SYT9: variants seen among roughly 807,000 people sequenced by gnomAD.
SYT9 encodes the protein synaptotagmin-9.
In SYT9, 22 loss-of-function variants were observed where a neutral mutation model predicts 48.4. That is an observed-to-expected ratio of 0.45 (90% CI 0.32 to 0.65). The LOEUF is 0.65. Ranked by LOEUF, SYT9 falls within the 30% of genes least tolerant of loss-of-function variation. SYT9 has a pLI of 0.03. For synonymous variants in SYT9, 265 were observed against 245.0 expected (o/e 1.08, Z -0.76); for missense variants, 577 against 622.0 (o/e 0.93, Z 0.77).
chr11:7,351,151 A>G (rs1050108084), intron 3 of SYT9, among the ~76,000 whole-genome samples: 2 of 152,230 alleles, frequency 1.3e-5, no homozygotes, highest in African/African-American at 4.8e-5. Flanking sequence ...ATGAAGTGGT[A>G]TATATTGCCT....
At chr11:7,255,647 G>A (rs1333989224) in intron 1 of SYT9, among the ~76,000 whole-genome samples, 2 of 152,128 alleles carry the variant, frequency 1.3e-5, no homozygotes, top group Non-Finnish European at 2.9e-5. Flanking sequence ...GATGTGAAAG[G>A]TGAGAGAAGG....
chr11:7,251,845 C>T (rs376943623), upstream of SYT9: 13 of 212,044 alleles, frequency 6.1e-5, no homozygotes, highest in East Asian at 1.1e-3. Context: ...GCGCGCACTC[C>T]TGACCTGGCC....
intron 3 of SYT9, among the ~76,000 whole-genome samples, chr11:7,372,459 T>G (rs1171226621): frequency 1.3e-5 from 2 of 152,138 alleles, no homozygotes; most frequent in Non-Finnish European, 2.9e-5. Flanking sequence ...ACTACAGTCA[T>G]GCACCACAAT....
intron 3 of SYT9, among the ~76,000 whole-genome samples, chr11:7,391,316 A>T (rs1318250626): frequency 1.3e-5 from 2 of 152,116 alleles, no homozygotes; most frequent in Non-Finnish European, 2.9e-5. Flanking sequence ...CTTTGGGTAT[A>T]TACCCATAAG....
intron 1 of SYT9, among the ~76,000 whole-genome samples, chr11:7,255,074 A>G (rs910520517): frequency 3.3e-5 from 5 of 152,190 alleles, no homozygotes; most frequent in East Asian, 1.9e-4. Context: ...ATCTGTACCA[A>G]CTTGTGGAAA....
At chr11:7,377,848 T>C (rs918894390) in intron 3 of SYT9, among the ~76,000 whole-genome samples, 5 of 152,162 alleles carry the variant, frequency 3.3e-5, no homozygotes, top group Admixed American at 3.3e-4. Flanking sequence ...GACTGCCTGG[T>C]TGGGGCATGG....
intron 3 of SYT9, among the ~76,000 whole-genome samples, chr11:7,336,715 C>A (rs911831000): frequency 6.6e-6 from 1 of 152,054 alleles, no homozygotes; most frequent in African/African-American, 2.4e-5. Flanking sequence ...TGTTTTTGTA[C>A]CAGTATCATG....
At chr11:7,428,783 G>A (rs1464265654) in intron 6 of SYT9, among the ~76,000 whole-genome samples, 3 of 152,174 alleles carry the variant, frequency 2.0e-5, no homozygotes, top group Non-Finnish European at 2.9e-5. Context: ...AGATGAAGTG[G>A]GGAGGTGGGG....
chr11:7,383,861 T>G lies in SYT9; in HGVS notation c.1045-32181T>G, dbSNP rs117859579. Reference sequence around the variant, plus strand: ...ACTATATGTCTAGGCTGCACGAGTTTTTAAATACAAGTGAAGTCATCTTTT... The same window carrying G: ...ACTATATGTCTAGGCTGCACGAGTTGTTAAATACAAGTGAAGTCATCTTTT... On this transcript the variant is annotated intron_variant, in intron 3 of 6. Coordinates refer to ENST00000318881, the MANE Select transcript of SYT9 (RefSeq NM_175733.4). Among the ~76,000 whole-genome samples the G allele has an allele frequency of 7.6e-3, 1,164 of 152,280 alleles. 13 individuals carry two copies. Among genetic ancestry groups the G allele is most frequent in the East Asian group, 0.045 (231 of 5,176 alleles).
intron 3 of SYT9, among the ~76,000 whole-genome samples, chr11:7,381,290 C>A (rs1278930847): frequency 6.6e-6 from 1 of 152,178 alleles, no homozygotes; most frequent in Non-Finnish European, 1.5e-5. Flanking sequence ...CTGGTATCAT[C>A]TGCTTTTAAT....
upstream of SYT9, among the ~76,000 whole-genome samples, chr11:7,251,600 A>G (rs1847868786): frequency 6.6e-6 from 1 of 152,132 alleles, no homozygotes; most frequent in South Asian, 2.1e-4. Context: ...TAACCTTCGC[A>G]CTAGGCATCC....
At chr11:7,284,774 T>C (rs1170050107) in intron 1 of SYT9, among the ~76,000 whole-genome samples, 1 of 152,138 alleles carries the variant, frequency 6.6e-6, no homozygotes, top group Non-Finnish European at 1.5e-5. Flanking sequence ...TCCCCTCCAT[T>C]GTCTGTTTTC....
At chr11:7,398,471 A>G (rs536172556) in intron 3 of SYT9, among the ~76,000 whole-genome samples, 69 of 148,136 alleles carry the variant, frequency 4.7e-4, no homozygotes, top group Non-Finnish European at 9.2e-4. Flanking sequence ...GTGCAGTGGC[A>G]TGATCTCGGC....
At chr11:7,413,141 ACT>A (rs1030050315) in intron 3 of SYT9, among the ~76,000 whole-genome samples, 6 of 151,994 alleles carry the variant, frequency 3.9e-5, no homozygotes, top group Admixed American at 2.6e-4. Context: ...GGGCACAGAC[ACT>A]CTCATTGGGA....
intron 3 of SYT9, among the ~76,000 whole-genome samples, chr11:7,379,119 C>T (rs1850509590): frequency 6.6e-6 from 1 of 152,128 alleles, no homozygotes; most frequent in Admixed American, 6.6e-5. Context: ...AGGTTCTTAA[C>T]ATCAAATTAA....
At chr11:7,369,285 G>A (rs2134027353) in intron 3 of SYT9, among the ~76,000 whole-genome samples, 1 of 151,118 alleles carries the variant, frequency 6.6e-6, no homozygotes, top group Admixed American at 6.6e-5. Context: ...TTTGAGAAGT[G>A]TCTGTTCGTA....
At chr11:7,390,878 G>A (rs1196209189) in intron 3 of SYT9, among the ~76,000 whole-genome samples, 1 of 152,068 alleles carries the variant, frequency 6.6e-6, no homozygotes, top group African/African-American at 2.4e-5. Flanking sequence ...TGTTACGAGG[G>A]TGTGTTGTCT....
chr11:7,290,684 G>T (rs981840497), intron 1 of SYT9, among the ~76,000 whole-genome samples: 13 of 152,114 alleles, frequency 8.5e-5, no homozygotes, highest in South Asian at 4.1e-4. Context: ...CATTAAATTT[G>T]AGTTCCTCTG....
chr11:7,267,271 G>A (rs1848201987), intron 1 of SYT9, among the ~76,000 whole-genome samples: 1 of 151,810 alleles, frequency 6.6e-6, no homozygotes, highest in African/African-American at 2.4e-5. Context: ...AATACATAGA[G>A]GATAGAAGTT....
Sources: gnomAD v4.1 joint callset for allele counts (sites outside exome capture counted in the v4.1 genomes callset) on GRCh38, gnomAD v4.1.1 for gene constraint, MANE v1.5 for transcripts, NCBI Gene and HGNC (gene_info 2026-07-23, HGNC 2026-07-21) for gene names.